Variants in ANKS1B observed in about 807,000 individuals in gnomAD.
ANKS1B encodes ankyrin repeat and sterile alpha motif domain containing 1B, also known as ankyrin repeat and sterile alpha motif domain-containing protein 1B.
In ANKS1B, 36 loss-of-function variants were observed where a neutral mutation model predicts 148.3. The observed-to-expected ratio is 0.24, with a 90% CI of 0.19 to 0.32. ANKS1B has a LOEUF of 0.32. ANKS1B is among the 10% of genes least tolerant of loss of function. The pLI is 1.00. For synonymous variants in ANKS1B, 542 were observed against 560.8 expected, an observed-to-expected ratio of 0.97 and a Z score of 0.47; for missense variants, 1,157 against 1,542.6, an observed-to-expected ratio of 0.75 and a Z score of 4.19.
chr12:98,766,982 ATTTTT>A (rs11295642), intron 25 of ANKS1B, among the ~76,000 whole-genome samples: 1 of 134,944 alleles, frequency 7.4e-6, no homozygotes, highest in African/African-American at 2.8e-5. Context: ...TTATTTATTA[ATTTTT>A]TTTTTTTTTT....
chr12:99,093,123 AC>A (rs1201135878), intron 15 of ANKS1B, among the ~76,000 whole-genome samples: 1 of 152,172 alleles, frequency 6.6e-6, no homozygotes, highest in Admixed American at 6.5e-5. Flanking sequence ...TACTCCCATG[AC>A]CCTATTTTCA....
At chr12:99,959,278 C>T (rs746872780) in intron 1 of ANKS1B, among the ~76,000 whole-genome samples, 2 of 142,584 alleles carry the variant, frequency 1.4e-5, no homozygotes, top group Admixed American at 7.4e-5. Context: ...GGAGTTTCAC[C>T]GTGTTAGCCA....
intron 17 of ANKS1B, among the ~76,000 whole-genome samples, chr12:99,009,283 G>T (rs1240719875): frequency 6.6e-6 from 1 of 151,892 alleles, no homozygotes; most frequent in Non-Finnish European, 1.5e-5. Flanking sequence ...TCTTTCACTG[G>T]GGTCTTCAAA....
intron 5 of ANKS1B, 142 bp downstream of exon 5, chr12:99,781,880 C>G (rs1261995552): frequency 7.5e-6 from 5 of 667,278 alleles, no homozygotes; most frequent in African/African-American, 5.5e-5. Flanking sequence ...CTCAGTTCTA[C>G]ATAATATGAA....
intron 11 of ANKS1B, among the ~76,000 whole-genome samples, chr12:99,416,152 A>G (rs552086874): frequency 1.3e-5 from 2 of 152,226 alleles, no homozygotes; most frequent in Non-Finnish European, 2.9e-5. Context: ...CTCACTCAGC[A>G]TACTTTTCTG....
chr12:99,514,691 G>A (rs985162088), intron 9 of ANKS1B, among the ~76,000 whole-genome samples: 5 of 152,196 alleles, frequency 3.3e-5, no homozygotes, highest in African/African-American at 9.6e-5. Context: ...AGATAAAAAT[G>A]ACTATGACCA....
intron 8 of ANKS1B, among the ~76,000 whole-genome samples, chr12:99,707,578 G>A (rs1395289026): frequency 6.6e-6 from 1 of 151,988 alleles, no homozygotes; most frequent in Non-Finnish European, 1.5e-5. Context: ...CAAATCCTGA[G>A]TTCTAGGTAA....
chr12:98,890,412 G>GA (rs149506991), intron 17 of ANKS1B, among the ~76,000 whole-genome samples: 2,628 of 152,062 alleles, frequency 0.017, 75 homozygotes, highest in East Asian at 0.12. Context: ...AGTTAAGACA[G>GA]AAAAAAATAT....
At chr12:99,154,528 G>C in intron 14 of ANKS1B, 133 bp from the exon 15 acceptor site, 2 of 1,597,334 alleles carry the variant, frequency 1.3e-6, no homozygotes. Context: ...GAGCCCGCCA[G>C]CTTGACAGAT....
chr12:99,377,063 C>T (rs758316490), intron 12 of ANKS1B, among the ~76,000 whole-genome samples: 2 of 151,688 alleles, frequency 1.3e-5, no homozygotes, highest in African/African-American at 4.8e-5. Context: ...GCTGAAGTGC[C>T]GTGGTGCGAT....
intron 10 of ANKS1B, among the ~76,000 whole-genome samples, chr12:99,482,056 G>A (rs1382363162): frequency 1.3e-5 from 2 of 151,480 alleles, no homozygotes; most frequent in Admixed American, 1.3e-4. Context: ...ATTTACTTTT[G>A]TTTTTGTTGC....
At chr12:98,924,345 G>A (rs2099805266) in intron 17 of ANKS1B, among the ~76,000 whole-genome samples, 1 of 152,222 alleles carries the variant, frequency 6.6e-6, no homozygotes. Flanking sequence ...TCTCTGTTCA[G>A]TAAGGTAGAT....
intron 17 of ANKS1B, among the ~76,000 whole-genome samples, chr12:98,977,522 A>G (rs940251347): frequency 2.0e-5 from 3 of 152,198 alleles, no homozygotes; most frequent in African/African-American, 7.2e-5. Context: ...AATGCCACAT[A>G]TTATAATGGG....
chr12:99,642,380 T>C (rs2098317135), intron 9 of ANKS1B, among the ~76,000 whole-genome samples: 1 of 152,208 alleles, frequency 6.6e-6, no homozygotes, highest in Non-Finnish European at 1.5e-5. Flanking sequence ...TTACAGCCAC[T>C]GTAACAAACC....
chr12:99,961,796 C>A (rs1260855636), intron 1 of ANKS1B, among the ~76,000 whole-genome samples: 1 of 152,138 alleles, frequency 6.6e-6, no homozygotes, highest in Admixed American at 6.5e-5. Context: ...AATCCAGGAA[C>A]AAATAGGATA....
chr12:99,712,997 T>C (rs1600353667), intron 8 of ANKS1B, among the ~76,000 whole-genome samples: 1 of 152,228 alleles, frequency 6.6e-6, no homozygotes, highest in East Asian at 1.9e-4. Flanking sequence ...CAAACTTCTA[T>C]CATTTTGTTC....
At chr12:99,856,419 A>G (rs2089088932) in intron 1 of ANKS1B, among the ~76,000 whole-genome samples, 1 of 149,508 alleles carries the variant, frequency 6.7e-6, no homozygotes, top group Non-Finnish European at 1.5e-5. Flanking sequence ...TGCTAATTTA[A>G]AAGTTACCAA....
At chr12:99,023,160 C>T (rs958476851) in intron 17 of ANKS1B, among the ~76,000 whole-genome samples, 1 of 151,980 alleles carries the variant, frequency 6.6e-6, no homozygotes, top group Non-Finnish European at 1.5e-5. Flanking sequence ...TTTTATATCA[C>T]TGTTATTGGT....
At chr12:98,747,430 C>T (rs1310010787) in intron 26 of ANKS1B, among the ~76,000 whole-genome samples, 1 of 152,002 alleles carries the variant, frequency 6.6e-6, no homozygotes, top group Non-Finnish European at 1.5e-5. Context: ...TATTGAATGG[C>T]TAGTATCAAA....
Sources: allele counts gnomAD v4.1 joint callset (sites outside exome capture counted in the v4.1 genomes callset), GRCh38; gene constraint gnomAD v4.1.1; transcripts MANE v1.5; gene names NCBI Gene and HGNC (gene_info 2026-07-23, HGNC 2026-07-21).